FBXO3: variants seen among roughly 807,000 people sequenced by gnomAD.
FBXO3 encodes the protein F-box protein 3, also known as F-box only protein 3.
In FBXO3, 17 loss-of-function variants were observed where a neutral mutation model predicts 64.8. The ratio of observed to expected loss-of-function variants is 0.26; its 90% confidence interval spans 0.18 to 0.39. The LOEUF (loss-of-function observed/expected upper bound fraction) is 0.39. Among genes scored for constraint, FBXO3 ranks in the 10% least tolerant of loss-of-function variants. The pLI is 1.00. For missense variants in FBXO3, 420 were observed against 589.9 expected, an observed-to-expected ratio of 0.71 and a Z score of 2.98; for synonymous variants, 182 against 201.6, an observed-to-expected ratio of 0.90 and a Z score of 0.82.
At position 33,747,303 on chromosome 11, in the gene FBXO3, T is replaced by C. The variant is rs1839596994; in HGVS notation, c.1066A>G (p.Ser356Gly). ...PGVVGEFPII[S>G]PGRVYEYTSC... ...GTGTATTCATATACCCGACCTGGGC[T>C]GATGATTGGAAATTCACCTGCAGGG... The change falls in exon 10 of 11, where the codon AGC becomes GGC. Residue 356 changes from serine (S) to glycine (G), a missense_variant. Ser to Gly is a moderately conservative substitution (Grantham distance 56). This residue lies in a region of FBXO3 where 337 missense variants were observed against 518.4 expected (regional missense o/e 0.65). Transcript: ENST00000265651. The C allele has an allele frequency of 6.2e-7, 1 of 1,609,166 alleles. No individual in the cohort carries two copies. Among genetic ancestry groups the C allele is most frequent in the African/African-American group, 1.3e-5 (1 of 74,520 alleles).
At chr11:33,768,751 A>T in intron 3 of FBXO3, 100 bp downstream of exon 3, 3 of 1,398,636 alleles carry the variant, frequency 2.1e-6, no homozygotes, top group Non-Finnish European at 2.0e-6. Context: ...AAGTTGGGTT[A>T]ACACAGTTGC....
intron 3 of FBXO3, among the ~76,000 whole-genome samples, chr11:33,765,975 CAG>C (rs1289772809): frequency 6.6e-6 from 1 of 152,102 alleles, no homozygotes; most frequent in Non-Finnish European, 1.5e-5. Context: ...ATAAATTACC[CAG>C]AGTCAGACAT....
Position 33,751,618 on chromosome 11 carries a change from G to T in FBXO3, c.725-11C>A. 6.8e-7 allele frequency: 1 copy of T among 1,464,246 alleles called. No individual in the cohort carries two copies. Among genetic ancestry groups the T allele is most frequent in the East Asian group, 2.4e-5 (1 of 42,484 alleles). The allele number at this position is 1,464,246 out of a possible 1,614,324, so 90.7% of individuals were successfully genotyped here. On this transcript the variant is annotated splice_polypyrimidine_tract_variant and intron_variant, in intron 6 of 10. Coordinates refer to ENST00000265651, the MANE Select transcript of FBXO3 (RefSeq NM_012175.4). ...CAGTAAAAGTAGCACCTATAAAGCAGGAAAGGGAGAAAAAAAGAAAAGAAC... is the reference window on the plus strand; with the variant it reads ...CAGTAAAAGTAGCACCTATAAAGCATGAAAGGGAGAAAAAAAGAAAAGAAC...
At chr11:33,773,497 T>G (rs1855560535) in intron 1 of FBXO3, 1 of 152,176 alleles carries the variant, frequency 6.6e-6, no homozygotes, top group South Asian at 2.1e-4. Context: ...CGCCCACCTA[T>G]CCTAAGAGGG....
chr11:33,750,403 G>T, intron 8 of FBXO3, 136 bp downstream of exon 8: 1 of 923,400 alleles, frequency 1.1e-6, no homozygotes, highest in Non-Finnish European at 1.6e-6. Context: ...TGTAGAAAAT[G>T]TATCCACCTT....
At chr11:33,756,555 G>A (rs2133606168) in intron 4 of FBXO3, among the ~76,000 whole-genome samples, 1 of 152,258 alleles carries the variant, frequency 6.6e-6, no homozygotes, top group Non-Finnish European at 1.5e-5. Flanking sequence ...TCCCTGTGTT[G>A]CAATTTATGA....
chr11:33,741,060 CTAACA>C lies in FBXO3; in HGVS notation c.*843_*847del, dbSNP rs1854675478. ...AAGTTTCAGGAAAACATACTTAATC[CTAACA>C]TAAAATTCATGTCACTTATCACAAA... On this transcript the variant is annotated 3_prime_UTR_variant, in exon 11 of 11. Transcript: ENST00000265651. 6.6e-6 allele frequency: 1 copy of C among 152,512 alleles called. No homozygotes were observed. Among genetic ancestry groups the C allele is most frequent in the African/African-American group, 2.4e-5 (1 of 41,410 alleles). The allele number at this position is 152,512 out of a possible 1,614,324, so 9.4% of individuals were successfully genotyped here. A position where few individuals can be genotyped will look rare whatever the true frequency, so the allele number is the denominator to read the frequency against.
intron 9 of FBXO3, 115 bp downstream of exon 9, chr11:33,748,662 G>A: frequency 1.8e-6 from 1 of 547,514 alleles, no homozygotes; most frequent in Non-Finnish European, 3.2e-6. Context: ...TAATGCTTAA[G>A]GGATTAAATT....
Position 33,747,272 on chromosome 11 carries a change from C to T in FBXO3, c.1097G>A (p.Cys366Tyr). ...TCCTGATGTTGTAGAGAATGTGGTA[C>T]AGCTTGTGTATTCATATACCCGACC... ...SPGRVYEYTS[C>Y]TTFSTTSGYM... Residue 366 changes from cysteine to tyrosine, a missense_variant, in exon 10 of 11, where the codon TGT (cysteine) becomes TAT (tyrosine). Cys to Tyr is a radical substitution (Grantham distance 194). Transcript: ENST00000265651. The T allele has an allele frequency of 6.2e-7, 1 of 1,613,580 alleles. No homozygotes were observed. Among genetic ancestry groups the T allele is most frequent in the Non-Finnish European group, 8.5e-7 (1 of 1,179,878 alleles).
chr11:33,770,566 G>C (rs899935100), intron 2 of FBXO3, among the ~76,000 whole-genome samples, 175 bp downstream of exon 2: 8 of 152,208 alleles, frequency 5.3e-5, no homozygotes, highest in African/African-American at 1.9e-4. Context: ...GCAAGGGAGA[G>C]CAGCAGTGGG....
intron 10 of FBXO3, 70 bp from the exon 11 acceptor site, chr11:33,742,154 T>G: frequency 7.2e-7 from 1 of 1,385,084 alleles, no homozygotes; most frequent in South Asian, 1.6e-5. Flanking sequence ...ATGTAAATTC[T>G]CATTTATCTA....
intron 5 of FBXO3, among the ~76,000 whole-genome samples, chr11:33,755,267 T>C (rs1001364879): frequency 8.5e-5 from 13 of 152,242 alleles, no homozygotes; most frequent in African/African-American, 2.9e-4. Flanking sequence ...GAGAAATTAC[T>C]GATAACTGAA....
At chr11:33,754,959 G>A (rs904009483) in intron 5 of FBXO3, among the ~76,000 whole-genome samples, 29 of 147,620 alleles carry the variant, frequency 2.0e-4, no homozygotes, top group African/African-American at 6.2e-4. Context: ...TCCGCCTCCC[G>A]GATTCAAGCA....
chr11:33,751,242 A>C (rs1451384309), intron 7 of FBXO3, among the ~76,000 whole-genome samples: 5 of 152,204 alleles, frequency 3.3e-5, no homozygotes, highest in East Asian at 3.8e-4. Flanking sequence ...GGTGTTTTTC[A>C]AAAATAAATT....
intron 4 of FBXO3, 21 bp from the exon 5 acceptor site, chr11:33,755,996 A>C: frequency 6.3e-7 from 1 of 1,598,966 alleles, no homozygotes; most frequent in Non-Finnish European, 8.6e-7. Flanking sequence ...TACAGACTCA[A>C]ACATGTAATA....
chr11:33,745,870 A>C (rs1219664325), intron 10 of FBXO3: 1 of 152,098 alleles, frequency 6.6e-6, no homozygotes, highest in African/African-American at 2.4e-5. Context: ...AAAATTACAA[A>C]CCCCTAACTA....
chr11:33,757,656 T>TAAAAA (rs1170445394), intron 4 of FBXO3, among the ~76,000 whole-genome samples: 18 of 23,980 alleles, frequency 7.5e-4, no homozygotes, highest in South Asian at 4.4e-3. Context: ...CACCATCTCT[T>TAAAAA]AAAAAAAAAA....
intron 10 of FBXO3, chr11:33,744,183 A>G (rs1266126874): frequency 6.6e-6 from 1 of 152,224 alleles, no homozygotes; most frequent in Admixed American, 6.5e-5. Flanking sequence ...TGGGAAAGGG[A>G]AAGGCTTAGG....
At chr11:33,745,857 A>G (rs1244018305) in intron 10 of FBXO3, 1 of 152,168 alleles carries the variant, frequency 6.6e-6, no homozygotes, top group Non-Finnish European at 1.5e-5. Flanking sequence ...TAAATGATCA[A>G]TAAAAATTAC....
Sources: allele counts gnomAD v4.1 joint callset (sites outside exome capture counted in the v4.1 genomes callset), GRCh38; gene constraint gnomAD v4.1.1; regional missense constraint gnomAD v4.1.1; transcripts MANE v1.5; gene names NCBI Gene and HGNC (gene_info 2026-07-23, HGNC 2026-07-21).